The following COL6A3 variants were observed in gnomAD, a reference collection of about 807,000 sequenced individuals.
The protein encoded by COL6A3 is collagen type VI alpha 3 chain.
COL6A3 carries 137 observed loss-of-function variants against 274.1 expected under a neutral mutation model. That is an observed-to-expected ratio of 0.50 (90% CI 0.44 to 0.58). COL6A3 has a LOEUF of 0.58. COL6A3 is among the 20% of genes least tolerant of loss of function. The probability of loss-of-function intolerance (pLI) is 0.00; values close to 1 mark genes in which losing one functional copy is unlikely to be tolerated. For missense variants in COL6A3, 3,950 were observed against 4,124.9 expected (o/e 0.96, Z 1.16); for synonymous variants, 1,650 against 1,650.6 (o/e 1.00, Z 0.01).
At chr2:237,339,598 C>A (rs547598864) in intron 38 of COL6A3, among the ~76,000 whole-genome samples, 1 of 152,314 alleles carries the variant, frequency 6.6e-6, no homozygotes, top group African/African-American at 2.4e-5. Context: ...GGGGGCCAGA[C>A]CTTCACAAAT....
rs190966448 is a variant in COL6A3, at chr2:237,344,101, C to T, written c.7668+249G>A. 42 of 588,824 alleles carry T rather than the reference C, an allele frequency of 7.1e-5. No homozygotes were observed. The highest frequency in any genetic ancestry group is 2.8e-4 in the African/African-American group (15 of 53,928). 36.5% of individuals were successfully genotyped at this position (588,824 alleles called of 1,614,324 possible). ...TGTCACCAACACTAGCATCACTAACCGGCAAGAGCTGTCAACATGTGAGGA... is the reference window on the plus strand; with the variant it reads ...TGTCACCAACACTAGCATCACTAACTGGCAAGAGCTGTCAACATGTGAGGA... On this transcript the variant is annotated intron_variant, in intron 36 of 43. Transcript: ENST00000295550. The surrounding 1 kb of genome is among the most constrained non-coding windows in gnomAD (Gnocchi z 4.8).
At position 237,374,936 on chromosome 2, in the gene COL6A3, T is replaced by C; in HGVS notation, c.3155A>G (p.Gln1052Arg). The C allele has an allele frequency of 6.2e-7, 1 of 1,613,936 alleles. No individual in the cohort carries two copies. Among genetic ancestry groups the C allele is most frequent in the African/African-American group, 1.3e-5 (1 of 75,000 alleles). ...SGFPLLKEFV[Q>R]RVVESLDVGQ... ...CACATCCAGGCTTTCCACCACTCTC[T>C]GGACAAACTCTTTCAACAGAGGGAA... is the stretch of plus-strand genomic sequence containing the variant. Residue 1052 changes from glutamine to arginine, a missense_variant, in exon 8 of 44, where the codon CAG becomes CGG. By Grantham distance (43) the Gln-to-Arg change is conservative (BLOSUM62 1). Around this residue, in one of 5 missense-constraint regions of COL6A3, gnomAD observed 1,934 missense variants for 1,984.3 expected, o/e 0.97. Coordinates refer to ENST00000295550, the MANE Select transcript of COL6A3 (RefSeq NM_004369.4). The surrounding 1 kb of genome is among the most constrained non-coding windows in gnomAD (Gnocchi z 4.8).
At chr2:237,349,635 A>G (rs1342888486) in intron 28 of COL6A3, among the ~76,000 whole-genome samples, 1 of 152,270 alleles carries the variant, frequency 6.6e-6, no homozygotes, top group African/African-American at 2.4e-5. Flanking sequence ...AGAAATGTAC[A>G]TCACAAAATT....
At chr2:237,376,324 T>C (rs1231157052) in intron 7 of COL6A3, among the ~76,000 whole-genome samples, 2 of 152,240 alleles carry the variant, frequency 1.3e-5, no homozygotes, top group Non-Finnish European at 2.9e-5. Flanking sequence ...TGGAAAGTTA[T>C]CTACCTCTTC....
At position 237,377,649 on chromosome 2, in the gene COL6A3, C is replaced by T. The variant is rs369604127; in HGVS notation, c.2498-305G>A. On this transcript the variant is annotated intron_variant, in intron 6 of 43. Coordinates refer to ENST00000295550, the MANE Select transcript of COL6A3 (RefSeq NM_004369.4). ...GTTCTTACATCAGGTGGCAATCGCT[C>T]CAGGAAAACAGACAGCAGTTTCAAA... 7.2e-5 allele frequency among the ~76,000 whole-genome samples: 11 copies of T among 152,194 alleles called. No homozygotes were observed. In the South Asian group the frequency reaches 2.3e-3, roughly 32 times the overall value.
chr2:237,344,230 C>T lies in COL6A3; in HGVS notation c.7668+120G>A. On this transcript the variant is annotated intron_variant, in intron 36 of 43. Coordinates refer to ENST00000295550, the MANE Select transcript of COL6A3 (RefSeq NM_004369.4). The surrounding 1 kb of genome is among the most constrained non-coding windows in gnomAD (Gnocchi z 4.8). Reference sequence around the variant, plus strand: ...AGAGAAGTTCTCAGGCAGATGGCCTCATTGGGGACGTTTTAGGAGCTATGG... The same window carrying T: ...AGAGAAGTTCTCAGGCAGATGGCCTTATTGGGGACGTTTTAGGAGCTATGG... The T allele has an allele frequency of 1.3e-6, 2 of 1,484,344 alleles. No individual in the cohort carries two copies. The highest frequency in any genetic ancestry group is 9.3e-7 in the Non-Finnish European group (1 of 1,070,132). The allele number at this position is 1,484,344 out of a possible 1,614,324, so 91.9% of individuals were successfully genotyped here. A position where few individuals can be genotyped will look rare whatever the true frequency, so the allele number is the denominator to read the frequency against.
chr2:237,346,119 C>A (rs1337175074), intron 32 of COL6A3, among the ~76,000 whole-genome samples: 1 of 152,118 alleles, frequency 6.6e-6, no homozygotes, highest in Non-Finnish European at 1.5e-5. Flanking sequence ...ATTTCATAGA[C>A]CACAGGAAGC....
At chr2:237,330,873 A>G (rs1374458988) in intron 42 of COL6A3, among the ~76,000 whole-genome samples, 3 of 152,228 alleles carry the variant, frequency 2.0e-5, no homozygotes, top group African/African-American at 7.2e-5. Flanking sequence ...TTTTCATTTC[A>G]GAGTGTTTCT....
At chr2:237,393,511 A>G (rs1234296069) in intron 3 of COL6A3, among the ~76,000 whole-genome samples, 1 of 152,060 alleles carries the variant, frequency 6.6e-6, no homozygotes, top group African/African-American at 2.4e-5. Context: ...CCTTCCCTCC[A>G]TCTCAGAGAA....
chr2:237,352,803 A>G (rs1462502139), intron 25 of COL6A3, among the ~76,000 whole-genome samples: 3 of 152,268 alleles, frequency 2.0e-5, no homozygotes, highest in Non-Finnish European at 4.4e-5. Context: ...AGCAACAAGC[A>G]TTCAGACAAA....
Position 237,394,795 on chromosome 2 carries a change from A to C in COL6A3, c.501T>G (p.Ser167=). The change falls in exon 3 of 44, where the codon TCT becomes TCG. Residue 167 remains serine, a synonymous_variant. Coordinates refer to ENST00000295550, the MANE Select transcript of COL6A3 (RefSeq NM_004369.4). ...CAATTGCAAACACGTTAACATCAGC[A>C]GACTTAAGTTCCGCTGAGGGCAGAG... ...GLALPSAELK[S]ADVNVFAIGV... The C allele has an allele frequency of 6.2e-7, 1 of 1,614,206 alleles. No homozygotes were observed. Among genetic ancestry groups the C allele is most frequent in the Non-Finnish European group, 8.5e-7 (1 of 1,180,030 alleles).
intron 4 of COL6A3, chr2:237,386,389 G>C (rs531665789): frequency 6.6e-6 from 1 of 152,224 alleles, no homozygotes; most frequent in African/African-American, 2.4e-5. Context: ...TTTATCAAAG[G>C]AAAACCTCCC....
chr2:237,341,031 T>C lies in COL6A3; in HGVS notation c.7885A>G (p.Thr2629Ala), dbSNP rs760230894. The change falls in exon 38 of 44, where the codon ACC becomes GCC. Residue 2629 changes from threonine to alanine, a missense_variant. By Grantham distance (58) the Thr-to-Ala change is moderately conservative. Coordinates refer to ENST00000295550, the MANE Select transcript of COL6A3 (RefSeq NM_004369.4). ...TCATTGAACTGGAACAGGGTGGTGG[T>C]CTCAGCGCTGTCTAAGATGAAAGCC... The part of the protein sequence containing the change: ...DMAFILDSAE[T>A]TTLFQFNEMK... 3 of 1,614,126 alleles carry C rather than the reference T, an allele frequency of 1.9e-6. No homozygotes were observed. Among genetic ancestry groups the C allele is most frequent in the Non-Finnish European group, 1.7e-6 (2 of 1,180,038 alleles).
chr2:237,327,867 G>A, intron 42 of COL6A3: 1 of 152,088 alleles, frequency 6.6e-6, no homozygotes, highest in Non-Finnish European at 1.5e-5. Context: ...AAATGTCCTG[G>A]AGTACCAAGG....
chr2:237,349,937 C>G (rs930220048), intron 28 of COL6A3, among the ~76,000 whole-genome samples: 1 of 152,146 alleles, frequency 6.6e-6, no homozygotes, highest in East Asian at 1.9e-4. Flanking sequence ...AATGTCTCTC[C>G]CCACGGCCCG....
chr2:237,352,220 A>G (rs1313702541), intron 26 of COL6A3, among the ~76,000 whole-genome samples: 1 of 152,182 alleles, frequency 6.6e-6, no homozygotes, highest in African/African-American at 2.4e-5. Flanking sequence ...ATTTTGGTAG[A>G]TTTAGATTTT....
chr2:237,364,244 T>A lies in COL6A3; in HGVS notation c.5917+106A>T, dbSNP rs944078554. 3 of 885,600 alleles carry A rather than the reference T, an allele frequency of 3.4e-6. No individual in the cohort carries two copies. In the African/African-American group the frequency reaches 4.9e-5, roughly 14 times the overall value. The allele number at this position is 885,600 out of a possible 1,614,324, so 54.9% of individuals were successfully genotyped here. ...GAGGAAGAGTCTCCCAAGACAACGC[T>A]GCTCCCTTGGGGCGCTGCATTAGCA... On this transcript the variant is annotated intron_variant, in intron 13 of 43. Transcript: ENST00000295550. This position sits in a 1 kb window ranked among gnomAD's most constrained non-coding sequence, Gnocchi z 4.6.
At chr2:237,406,743 G>T (rs1559293310) in intron 1 of COL6A3, among the ~76,000 whole-genome samples, 1 of 152,156 alleles carries the variant, frequency 6.6e-6, no homozygotes, top group Non-Finnish European at 1.5e-5. Flanking sequence ...AGGGTAGGAG[G>T]AGAGTGGAAT....
Position 237,341,102 on chromosome 2 carries a change from G to A in COL6A3, c.7814C>T (p.Ser2605Phe). The A allele has an allele frequency of 1.2e-6, 2 of 1,614,202 alleles. No individual in the cohort carries two copies. Among genetic ancestry groups the A allele is most frequent in the Non-Finnish European group, 1.7e-6 (2 of 1,180,042 alleles). Residue 2605 changes from serine to phenylalanine, a missense_variant, in exon 38 of 44, where the codon TCC (serine) becomes TTC (phenylalanine). Ser to Phe is a radical substitution (Grantham distance 155). This residue lies in a region of COL6A3 where 1,284 missense variants were observed against 1,349.7 expected (regional missense o/e 0.95). Transcript: ENST00000295550. ...PSCGFGSWRP[S>F]FRDRRAAGSD... ...CCCTGCCGCTCTCCTGTCCCTGAAG[G>A]AAGGCCTCCAACTGCCAAATCCACA...
Sources: allele counts gnomAD v4.1 joint callset (sites outside exome capture counted in the v4.1 genomes callset), GRCh38; gene constraint gnomAD v4.1.1; regional missense constraint gnomAD v4.1.1; non-coding constraint Gnocchi (gnomAD v3.1); transcripts MANE v1.5; gene names NCBI Gene and HGNC (gene_info 2026-07-23, HGNC 2026-07-21).